ATRNL1: variants seen among roughly 807,000 people sequenced by gnomAD.
ATRNL1 encodes the protein attractin-like protein 1.
Under a neutral mutation model 182.7 loss-of-function variants are expected in ATRNL1, and 95 were observed. The observed-to-expected ratio is 0.52, with a 90% CI of 0.44 to 0.62. ATRNL1 has a LOEUF of 0.62. ATRNL1 is among the 20% of genes least tolerant of loss of function. ATRNL1 has a pLI of 0.00. For missense variants in ATRNL1, 1,471 were observed against 1,679.5 expected (o/e 0.88, Z 2.17); for synonymous variants, 576 against 568.3 (o/e 1.01, Z -0.19).
intron 24 of ATRNL1, among the ~76,000 whole-genome samples, chr10:115,481,758 A>G (rs1240866608): frequency 6.6e-6 from 1 of 150,822 alleles, no homozygotes; most frequent in Admixed American, 6.6e-5. Context: ...CTTCCTGAGG[A>G]TATTTTGTTT....
intron 22 of ATRNL1, among the ~76,000 whole-genome samples, chr10:115,463,283 T>C (rs1847902179): frequency 1.3e-5 from 2 of 152,020 alleles, no homozygotes; most frequent in Admixed American, 6.6e-5. Context: ...ACATTTTATG[T>C]TACTCTTTAT....
intron 19 of ATRNL1, among the ~76,000 whole-genome samples, chr10:115,367,963 C>G (rs1857151089): frequency 6.6e-6 from 1 of 151,830 alleles, no homozygotes; most frequent in Non-Finnish European, 1.5e-5. Flanking sequence ...GAGGTTACTG[C>G]TGTCTTTTTG....
At chr10:115,901,693 A>C (rs1390234788) in intron 28 of ATRNL1, among the ~76,000 whole-genome samples, 1 of 150,598 alleles carries the variant, frequency 6.6e-6, no homozygotes, top group Non-Finnish European at 1.5e-5. Context: ...CCTGCAGAAC[A>C]GTCTTAGTGA....
chr10:115,456,597 A>C (rs1421250288), intron 21 of ATRNL1, among the ~76,000 whole-genome samples: 1 of 152,180 alleles, frequency 6.6e-6, no homozygotes, highest in Non-Finnish European at 1.5e-5. Context: ...ACAAACCTGC[A>C]CATTCTGTAC....
chr10:115,127,542 A>C, intron 3 of ATRNL1, 51 bp from the exon 4 acceptor site: 1 of 1,477,752 alleles, frequency 6.8e-7, no homozygotes, highest in Non-Finnish European at 9.2e-7. Context: ...TATGTGCTTA[A>C]CAGTCTTATG....
At chr10:115,893,083 A>G (rs1311957662) in intron 28 of ATRNL1, among the ~76,000 whole-genome samples, 1 of 152,190 alleles carries the variant, frequency 6.6e-6, no homozygotes, top group Non-Finnish European at 1.5e-5. Context: ...AGGAAAATAA[A>G]GAATGTGTAG....
At chr10:115,342,667 C>G (rs1466882577) in intron 19 of ATRNL1, among the ~76,000 whole-genome samples, 1 of 152,106 alleles carries the variant, frequency 6.6e-6, no homozygotes, top group Admixed American at 6.5e-5. Flanking sequence ...TTTATGTGTA[C>G]TCACTGTTAC....
At chr10:115,272,231 G>A (rs1554913386) in intron 13 of ATRNL1, among the ~76,000 whole-genome samples, 1 of 152,164 alleles carries the variant, frequency 6.6e-6, no homozygotes, top group Non-Finnish European at 1.5e-5. Flanking sequence ...TTATAGCATT[G>A]CAAGAATGGC....
intron 8 of ATRNL1, among the ~76,000 whole-genome samples, chr10:115,197,832 G>C (rs1264773): frequency 6.6e-6 from 1 of 151,900 alleles, no homozygotes. Context: ...ACGTAAGTGG[G>C]CTCATAAAGT....
At chr10:115,148,860 C>CTG (rs1423717323) in intron 5 of ATRNL1, among the ~76,000 whole-genome samples, 5 of 151,278 alleles carry the variant, frequency 3.3e-5, no homozygotes, top group African/African-American at 1.2e-4. Flanking sequence ...AGTGATTCTC[C>CTG]TGTCTCAGCC....
At chr10:115,270,931 A>C (rs1047219365) in intron 13 of ATRNL1, among the ~76,000 whole-genome samples, 3 of 152,144 alleles carry the variant, frequency 2.0e-5, no homozygotes, top group Non-Finnish European at 4.4e-5. Flanking sequence ...TCAAATGAAG[A>C]TAATAACAAG....
chr10:115,726,490 A>G (rs1321564548), intron 26 of ATRNL1, among the ~76,000 whole-genome samples: 3 of 152,254 alleles, frequency 2.0e-5, no homozygotes, highest in African/African-American at 7.2e-5. Context: ...AATGAATATC[A>G]TAATTACAAG....
chr10:115,363,800 C>G (rs1396225509), intron 19 of ATRNL1, among the ~76,000 whole-genome samples: 102 of 147,322 alleles, frequency 6.9e-4, no homozygotes, highest in African/African-American at 2.3e-3. Context: ...GCTTGTTTTT[C>G]TCAGGTTTGT....
At chr10:115,871,733 T>A (rs1330690068) in intron 28 of ATRNL1, among the ~76,000 whole-genome samples, 9 of 152,072 alleles carry the variant, frequency 5.9e-5, no homozygotes, top group African/African-American at 2.2e-4. Flanking sequence ...TGAAAATTTG[T>A]ATGAAAATAA....
intron 27 of ATRNL1, among the ~76,000 whole-genome samples, chr10:115,752,458 A>T (rs1948474535): frequency 1.3e-5 from 2 of 152,082 alleles, no homozygotes; most frequent in South Asian, 4.1e-4. Context: ...TCCTACCTTC[A>T]TAGAGCTTAC....
In ATRNL1 at chr10:115,223,929, A is replaced by ATATATATATATT. The variant is rs1420143943; in HGVS notation, c.1532+8050_1532+8051insATATATATATTT. On this transcript the variant is annotated intron_variant, in intron 9 of 28. Transcript: ENST00000355044. The stretch of plus-strand genomic sequence containing the variant: ...TGTGTGTGTGTATATATATATATAT[A>ATATATATATATT]TTTTTTTTTTTTTTTTTTTTCTTTG... 2.7e-3 allele frequency among the ~76,000 whole-genome samples: 119 copies of ATATATATATATT among 44,720 alleles called. 1 individual carries two copies. The highest frequency in any genetic ancestry group is 6.0e-3 in the African/African-American group (65 of 10,858). The allele number at this position is 44,720 out of a possible 152,430, so 29.3% of individuals were successfully genotyped here. A position where few individuals can be genotyped will look rare whatever the true frequency, so the allele number is the denominator to read the frequency against.
chr10:115,176,101 A>C (rs1847494991), intron 8 of ATRNL1, among the ~76,000 whole-genome samples: 1 of 152,124 alleles, frequency 6.6e-6, no homozygotes, highest in Admixed American at 6.6e-5. Flanking sequence ...GGCTGCATAA[A>C]TGTCTTCTTT....
chr10:115,852,732 A>G (rs1951085648), intron 28 of ATRNL1, among the ~76,000 whole-genome samples: 1 of 152,182 alleles, frequency 6.6e-6, no homozygotes, highest in Non-Finnish European at 1.5e-5. Context: ...AAAGCTTTAA[A>G]TCCAGAGTCA....
At chr10:115,213,955 A>G (rs1849125706) in intron 8 of ATRNL1, among the ~76,000 whole-genome samples, 1 of 151,996 alleles carries the variant, frequency 6.6e-6, no homozygotes, top group Non-Finnish European at 1.5e-5. Flanking sequence ...CTCTTAAAAA[A>G]GTAATAAATG....
Sources: allele counts gnomAD v4.1 joint callset (sites outside exome capture counted in the v4.1 genomes callset), GRCh38; gene constraint gnomAD v4.1.1; transcripts MANE v1.5; gene names NCBI Gene and HGNC (gene_info 2026-07-23, HGNC 2026-07-21).